Variants in LAMA2 observed in about 807,000 individuals in gnomAD.
LAMA2 encodes the protein laminin subunit alpha 2.
LAMA2 carries 269 observed loss-of-function variants against 364.8 expected under a neutral mutation model. The ratio of observed to expected loss-of-function variants is 0.74; its 90% confidence interval spans 0.67 to 0.82. The LOEUF (loss-of-function observed/expected upper bound fraction) is 0.82, where lower values mean the gene tolerates loss of function less well. Ranked by LOEUF, LAMA2 falls within the 40% of genes least tolerant of loss-of-function variation. The pLI, the probability that LAMA2 is intolerant of heterozygous loss-of-function variation, is 0.00. For synonymous variants in LAMA2, 1,379 were observed against 1,370.6 expected, an observed-to-expected ratio of 1.01 and a Z score of -0.14; for missense variants, 3,807 against 3,873.2, an observed-to-expected ratio of 0.98 and a Z score of 0.45.
At chr6:128,976,794 TG>T (rs774715663) in intron 1 of LAMA2, among the ~76,000 whole-genome samples, 33 of 152,296 alleles carry the variant, frequency 2.2e-4, no homozygotes, top group Admixed American at 1.3e-3. Context: ...CTTAGGTTCT[TG>T]GTTCTGTGTT....
intron 13 of LAMA2, among the ~76,000 whole-genome samples, chr6:129,250,583 TA>T (rs1407037697): frequency 6.6e-6 from 1 of 152,226 alleles, no homozygotes; most frequent in Middle Eastern, 3.2e-3. Context: ...CCCTTGTTTA[TA>T]TTAGATAAAA....
At chr6:129,318,195 A>T (rs1359286834) in intron 27 of LAMA2, among the ~76,000 whole-genome samples, 2 of 152,200 alleles carry the variant, frequency 1.3e-5, no homozygotes, top group Non-Finnish European at 2.9e-5. Flanking sequence ...ATAAATTTAA[A>T]TCTCAAAAGC....
At chr6:128,902,611 C>A (rs66474311) in intron 1 of LAMA2, among the ~76,000 whole-genome samples, 19,782 of 152,050 alleles carry the variant, frequency 0.13, 1,640 homozygotes, top group African/African-American at 0.23. Context: ...AGCTTTCAGT[C>A]CCATTTTAAA....
chr6:129,136,208 G>T (rs72990915), intron 4 of LAMA2, among the ~76,000 whole-genome samples: 148 of 152,238 alleles, frequency 9.7e-4, no homozygotes, highest in Non-Finnish European at 1.8e-3. Context: ...GCATGTTTCA[G>T]ATGAAACTAA....
At chr6:129,143,389 T>C (rs1450152642) in intron 4 of LAMA2, among the ~76,000 whole-genome samples, 2 of 151,988 alleles carry the variant, frequency 1.3e-5, no homozygotes, top group African/African-American at 4.8e-5. Flanking sequence ...TGATGATAGA[T>C]TTGTCTAGTT....
intron 58 of LAMA2, among the ~76,000 whole-genome samples, chr6:129,502,419 T>C (rs1785716700): frequency 6.6e-6 from 1 of 152,220 alleles, no homozygotes; most frequent in South Asian, 2.1e-4. Flanking sequence ...TATGAGTTAA[T>C]CAATAAATAT....
intron 1 of LAMA2, among the ~76,000 whole-genome samples, chr6:129,032,484 A>G (rs7762560): frequency 0.39 from 59,835 of 152,066 alleles, 14,487 homozygotes; most frequent in African/African-American, 0.69. Context: ...AAGCAAGGAA[A>G]AAGCAGAGCT....
intron 12 of LAMA2, among the ~76,000 whole-genome samples, chr6:129,199,405 A>G (rs189165574): frequency 5.9e-5 from 9 of 152,336 alleles, no homozygotes; most frequent in Admixed American, 2.0e-4. Context: ...TTAATATAAA[A>G]TGTTCAAAGT....
chr6:129,446,526 A>T (rs1461625821), intron 45 of LAMA2, among the ~76,000 whole-genome samples: 19 of 40,388 alleles, frequency 4.7e-4, no homozygotes, highest in Non-Finnish European at 7.1e-4. Flanking sequence ...AGGGGAGGGG[A>T]GGGGAGGGGA....
chr6:128,938,238 T>C (rs2114534463), intron 1 of LAMA2, among the ~76,000 whole-genome samples: 1 of 152,248 alleles, frequency 6.6e-6, no homozygotes, highest in South Asian at 2.1e-4. Context: ...TTAATAATAA[T>C]AATGAGAGTA....
chr6:129,270,710 C>T lies in LAMA2; in HGVS notation c.2409C>T (p.Asp803=), dbSNP rs144580350. ...AGCCTACTAAAGGAACCTCTGAAGA[C>T]TGTCAACCCTGTGCCTGTCCACTCA... is the stretch of plus-strand genomic sequence containing the variant. ...YGEPTKGTSE[D]CQPCACPLNI... Residue 803 remains aspartate, a synonymous_variant, in exon 17 of 65, where the codon GAC becomes GAT. Transcript: ENST00000421865. The T allele has an allele frequency of 6.4e-5, 103 of 1,613,134 alleles. No homozygotes were observed. The highest frequency in any genetic ancestry group is 8.5e-5 in the Non-Finnish European group (100 of 1,179,482).
intron 64 of LAMA2, among the ~76,000 whole-genome samples, chr6:129,515,626 CTAAG>C (rs58954570): frequency 0.62 from 94,406 of 151,640 alleles, 31,310 homozygotes; most frequent in Non-Finnish European, 0.75. Flanking sequence ...TCAAAAAGTT[CTAAG>C]TAAGTCAGTA....
Position 129,249,366 on chromosome 6 carries a change from TA to T in LAMA2, c.1783-743del, listed in dbSNP as rs1394112856. Reference sequence around the variant, plus strand: ...AGCTTCAATTTTGATTCCTGTCCTATAAATGATCTTGCTTTCCTATTTTTTT... The same window carrying T: ...AGCTTCAATTTTGATTCCTGTCCTATAATGATCTTGCTTTCCTATTTTTTT... On this transcript the variant is annotated intron_variant, in intron 12 of 64. Transcript: ENST00000421865. 3.9e-5 allele frequency among the ~76,000 whole-genome samples: 6 copies of T among 152,210 alleles called. No individual in the cohort carries two copies. In the East Asian group the frequency reaches 1.2e-3, roughly 29 times the overall value.
intron 1 of LAMA2, among the ~76,000 whole-genome samples, chr6:128,990,231 A>T (rs972988555): frequency 2.0e-5 from 3 of 152,126 alleles, no homozygotes; most frequent in Non-Finnish European, 4.4e-5. Context: ...CTATGCTATT[A>T]CAGAAAGAAT....
intron 61 of LAMA2, among the ~76,000 whole-genome samples, chr6:129,506,732 T>C (rs1786114117): frequency 6.6e-6 from 1 of 152,166 alleles, no homozygotes; most frequent in Admixed American, 6.5e-5. Context: ...GATTTGTTCA[T>C]TCATCAAAGA....
intron 12 of LAMA2, among the ~76,000 whole-genome samples, chr6:129,200,419 C>CGTGTATATGTGTACACATATACATATAT (rs973463216): frequency 2.1e-5 from 3 of 144,932 alleles, no homozygotes; most frequent in Non-Finnish European, 3.0e-5. Context: ...TATACATATA[C>CGTGTATATGTGTACACATATACATATAT]GTGTATATGT....
In LAMA2 at chr6:129,505,307, G is replaced by C. The variant is rs775798455; in HGVS notation, c.8655G>C (p.Leu2885=). The C allele has an allele frequency of 1.2e-6, 2 of 1,613,928 alleles. No individual in the cohort carries two copies. The highest frequency in any genetic ancestry group is 1.7e-6 in the Non-Finnish European group (2 of 1,179,814). The change falls in exon 61 of 65, where the codon CTG becomes CTC. Residue 2885 remains leucine (L), a synonymous_variant. Transcript: ENST00000421865. ...KADILDVVGM[L]YVGGLPINYT... is the part of the protein sequence containing the mutation. ...ACATCCTGGATGTCGTGGGAATGCT[G>C]TATGTTGGTGGGTTACCCATCAACT...
At chr6:129,125,225 G>A (rs1362908978) in intron 4 of LAMA2, among the ~76,000 whole-genome samples, 1 of 152,142 alleles carries the variant, frequency 6.6e-6, no homozygotes, top group African/African-American at 2.4e-5. Flanking sequence ...AGCAGGTTTT[G>A]ACAGAGAAGA....
intron 62 of LAMA2, among the ~76,000 whole-genome samples, chr6:129,510,747 G>A (rs7769634): frequency 0.042 from 6,395 of 152,122 alleles, 468 homozygotes; most frequent in African/African-American, 0.15. Flanking sequence ...ATTTGAGCAA[G>A]GCTTCAGGTG....
Sources: allele counts gnomAD v4.1 joint callset (sites outside exome capture counted in the v4.1 genomes callset), GRCh38; gene constraint gnomAD v4.1.1; transcripts MANE v1.5; gene names NCBI Gene and HGNC (gene_info 2026-07-23, HGNC 2026-07-21).